The following KBTBD12 variants were observed in gnomAD, a reference collection of about 807,000 sequenced individuals.
KBTBD12 encodes kelch repeat and BTB domain containing 12, also known as kelch repeat and BTB domain-containing protein 12.
KBTBD12 carries 53 observed loss-of-function variants against 58.7 expected under a neutral mutation model. The observed-to-expected ratio is 0.90, with a 90% confidence interval of 0.72 to 1.14. KBTBD12 has a LOEUF of 1.14. Among genes scored for constraint, KBTBD12 ranks in the 50% most tolerant of loss-of-function variants. KBTBD12 has a pLI of 0.00. For missense variants in KBTBD12, 704 were observed against 751.3 expected, an observed-to-expected ratio of 0.94 and a Z score of 0.74; for synonymous variants, 236 against 259.8, an observed-to-expected ratio of 0.91 and a Z score of 0.88.
At chr3:127,928,456 C>A (rs950175070) in intron 3 of KBTBD12, among the ~76,000 whole-genome samples, 1 of 152,186 alleles carries the variant, frequency 6.6e-6, no homozygotes, top group African/African-American at 2.4e-5. Context: ...AAGTGAGACA[C>A]CAGAATACCG....
intron 2 of KBTBD12, among the ~76,000 whole-genome samples, chr3:127,925,475 A>G (rs1455082174): frequency 6.6e-6 from 1 of 152,146 alleles, no homozygotes; most frequent in Non-Finnish European, 1.5e-5. Flanking sequence ...TCCTCAAGAT[A>G]GTCTACAATT....
intron 4 of KBTBD12, among the ~76,000 whole-genome samples, chr3:127,950,317 C>T (rs182964040): frequency 3.3e-5 from 5 of 152,068 alleles, no homozygotes; most frequent in African/African-American, 9.6e-5. Context: ...CCTAGGCTAA[C>T]GGAGAGGAAC....
intron 4 of KBTBD12, among the ~76,000 whole-genome samples, chr3:127,955,177 G>A (rs1940295052): frequency 6.6e-6 from 1 of 152,168 alleles, no homozygotes; most frequent in Non-Finnish European, 1.5e-5. Context: ...AGGTCTTATG[G>A]AGAATGTTTT....
In KBTBD12 at chr3:127,984,222, C is replaced by A. The variant is rs1307071629; in HGVS notation, c.1816C>A (p.Pro606Thr). 2 of 1,613,822 alleles carry A rather than the reference C, an allele frequency of 1.2e-6. No homozygotes were observed. The highest frequency in any genetic ancestry group is 8.5e-7 in the Non-Finnish European group (1 of 1,179,850). The part of the protein sequence containing the change: ...YDVCLVARMN[P>T]RDLIPPPSDL... ...TGTCTGCCTAGTAGCCAGGATGAATCCCCGAGACCTCATCCCCCCGCCTTC... is the reference window on the plus strand; with the variant it reads ...TGTCTGCCTAGTAGCCAGGATGAATACCCGAGACCTCATCCCCCCGCCTTC... The change falls in exon 6 of 6, where the codon CCC (proline) becomes ACC (threonine). Residue 606 changes from proline (P) to threonine (T), a missense_variant. Coordinates refer to ENST00000405109, the MANE Select transcript of KBTBD12 (RefSeq NM_207335.4).
At chr3:127,937,991 T>C (rs1217033406) in intron 4 of KBTBD12, among the ~76,000 whole-genome samples, 1 of 152,126 alleles carries the variant, frequency 6.6e-6, no homozygotes, top group Non-Finnish European at 1.5e-5. Context: ...ATAAAGACAT[T>C]TTCAGATGAG....
At chr3:127,958,203 G>C (rs543472390) in intron 4 of KBTBD12, among the ~76,000 whole-genome samples, 22 of 152,226 alleles carry the variant, frequency 1.4e-4, no homozygotes, top group African/African-American at 4.6e-4. Context: ...GTAGGGGAGG[G>C]GATGGGTATG....
At chr3:127,957,726 GTGTTTGTGTCTTC>G (rs1940347523) in intron 4 of KBTBD12, among the ~76,000 whole-genome samples, 1 of 152,192 alleles carries the variant, frequency 6.6e-6, no homozygotes. Flanking sequence ...ATTCTGTTCA[GTGTTTGTGTCTTC>G]ACTGTCCGTA....
intron 4 of KBTBD12, among the ~76,000 whole-genome samples, chr3:127,950,588 C>T (rs16839383): frequency 0.15 from 23,040 of 151,974 alleles, 1,969 homozygotes; most frequent in South Asian, 0.32. Flanking sequence ...TCAAATATTA[C>T]GCTGGGTGCT....
chr3:127,945,207 C>T (rs1206324020), intron 4 of KBTBD12, among the ~76,000 whole-genome samples: 4 of 62,288 alleles, frequency 6.4e-5, no homozygotes, highest in East Asian at 7.0e-4. Flanking sequence ...TTTTTTGAGA[C>T]GGAGTCTCGC....
rs80269313 is a variant in KBTBD12, at chr3:127,970,794, G to A, written c.1690+7408G>A. Among the ~76,000 whole-genome samples, 950 of 152,288 alleles carry A rather than the reference G, an allele frequency of 6.2e-3. 10 individuals are homozygous for A. The highest frequency in any genetic ancestry group is 0.022 in the African/African-American group (895 of 41,546). On this transcript the variant is annotated intron_variant, in intron 5 of 5. Transcript: ENST00000405109. ...GCCAGAAAATGGAGAAAGGGTGAAT[G>A]GGTAGTGACTGCTAATGGGCAGAGG...
intron 5 of KBTBD12, among the ~76,000 whole-genome samples, chr3:127,976,764 T>C (rs1940790680): frequency 6.6e-6 from 1 of 152,248 alleles, no homozygotes; most frequent in Admixed American, 6.5e-5. Flanking sequence ...AGGCTGTCCT[T>C]ATTCATTTTT....
rs746890247 is a variant in KBTBD12, at chr3:127,934,786, GATCA to G, written c.1492+4509_1492+4512del. On this transcript the variant is annotated intron_variant, in intron 4 of 5. Coordinates refer to ENST00000405109, the MANE Select transcript of KBTBD12 (RefSeq NM_207335.4). ...TCAAAGTGTTACAAGAAAAAAAACT[GATCA>G]ATCAAGAATTCTGTATCCAGGAAAA... is the stretch of plus-strand genomic sequence containing the variant. 2.0e-4 allele frequency among the ~76,000 whole-genome samples: 30 copies of G among 152,224 alleles called. No individual in the cohort carries two copies. The South Asian group carries it at 5.8e-3, about 29-fold the overall frequency.
chr3:127,978,734 A>G (rs1409789395), intron 5 of KBTBD12, among the ~76,000 whole-genome samples: 1 of 152,204 alleles, frequency 6.6e-6, no homozygotes, highest in Non-Finnish European at 1.5e-5. Flanking sequence ...TTTGGTCCCA[A>G]GAGTCTGAGT....
intron 2 of KBTBD12, among the ~76,000 whole-genome samples, chr3:127,925,161 A>T (rs920432700): frequency 3.9e-5 from 6 of 152,196 alleles, no homozygotes; most frequent in African/African-American, 1.2e-4. Flanking sequence ...TACTTTGAAG[A>T]TGTGTCTAAT....
At chr3:127,931,837 A>G (rs1939709998) in intron 4 of KBTBD12, among the ~76,000 whole-genome samples, 1 of 152,088 alleles carries the variant, frequency 6.6e-6, no homozygotes, top group Non-Finnish European at 1.5e-5. Context: ...GAATGGAATA[A>G]GCAGTGGTTT....
Position 127,985,708 on chromosome 3 carries a change from G to A in KBTBD12, c.*1430G>A, listed in dbSNP as rs1249868215. Reference sequence around the variant, plus strand: ...TTTCTGCCACCAAGGAGAGGGACCAGGAGACCCAGCGTAGGTTGGCCCCAA... The same window carrying A: ...TTTCTGCCACCAAGGAGAGGGACCAAGAGACCCAGCGTAGGTTGGCCCCAA... On this transcript the variant is annotated 3_prime_UTR_variant, in exon 6 of 6. Transcript: ENST00000405109. 6.6e-6 allele frequency: 1 copy of A among 152,280 alleles called. No homozygotes were observed. The highest frequency in any genetic ancestry group is 1.5e-5 in the Non-Finnish European group (1 of 68,106). 9.4% of individuals were successfully genotyped at this position (152,280 alleles called of 1,614,324 possible).
rs1940761394 is a variant in KBTBD12, at chr3:127,975,193, ATT to A, written c.1691-8903_1691-8902del. 4.6e-5 allele frequency among the ~76,000 whole-genome samples: 7 copies of A among 152,326 alleles called. No homozygotes were observed. The South Asian group carries it at 1.5e-3, about 32-fold the overall frequency. ...CACTGAGGGTCAGTCCCACTGAGAA[ATT>A]CTGGGAGGCAGTGTAGAACACACCT... On this transcript the variant is annotated intron_variant, in intron 5 of 5. Transcript: ENST00000405109.
intron 4 of KBTBD12, among the ~76,000 whole-genome samples, chr3:127,938,007 A>G (rs1277466016): frequency 6.6e-6 from 1 of 152,178 alleles, no homozygotes; most frequent in Non-Finnish European, 1.5e-5. Flanking sequence ...ATGAGGTAAC[A>G]CTGAAAGCAG....
chr3:127,935,758 C>A (rs1018272931), intron 4 of KBTBD12, among the ~76,000 whole-genome samples: 1 of 151,978 alleles, frequency 6.6e-6, no homozygotes, highest in African/African-American at 2.4e-5. Context: ...GGGAATGGAC[C>A]AAACACGCTA....
Sources: gnomAD v4.1 joint callset for allele counts (sites outside exome capture counted in the v4.1 genomes callset) on GRCh38, gnomAD v4.1.1 for gene constraint, MANE v1.5 for transcripts, NCBI Gene and HGNC (gene_info 2026-07-23, HGNC 2026-07-21) for gene names.